The following FMO2 variants were observed in gnomAD, a reference collection of about 807,000 sequenced individuals.
FMO2 encodes the protein flavin-containing monooxygenase 2.
A neutral mutation model predicts 41.6 loss-of-function variants in FMO2; 33 were observed. The ratio of observed to expected loss-of-function variants is 0.79; its 90% CI spans 0.60 to 1.06. The LOEUF (loss-of-function observed/expected upper bound fraction) is 1.06. Ranked by LOEUF, FMO2 falls within the 50% of genes least tolerant of loss-of-function variation. The probability of loss-of-function intolerance (pLI) is 0.00; values close to 1 mark genes in which losing one functional copy is unlikely to be tolerated. For missense variants in FMO2, 619 were observed against 632.9 expected (o/e 0.98, Z 0.23); for synonymous variants, 214 against 219.6 (o/e 0.97, Z 0.23).
At chr1:171,186,008 C>T (rs1657832663) in intron 2 of FMO2, 163 bp downstream of exon 2, 1 of 752,694 alleles carries the variant, frequency 1.3e-6, no homozygotes, top group South Asian at 2.1e-5. Flanking sequence ...AGGCTGGCAT[C>T]TCTCCCCCAG....
intron 4 of FMO2, 148 bp downstream of exon 4, chr1:171,196,959 AAAC>A (rs2101994089): frequency 1.5e-6 from 1 of 656,130 alleles, no homozygotes; most frequent in South Asian, 2.1e-5. Context: ...GAAAGACACC[AAAC>A]ATCATCTTTG....
intron 8 of FMO2, 34 bp from the exon 9 acceptor site, chr1:171,208,760 C>A: frequency 1.2e-6 from 2 of 1,606,568 alleles, no homozygotes; most frequent in Non-Finnish European, 1.7e-6. Context: ...TTAGAACATT[C>A]TGTGAACATT....
At chr1:171,195,274 G>A (rs1047458212) in intron 3 of FMO2, among the ~76,000 whole-genome samples, 3 of 152,214 alleles carry the variant, frequency 2.0e-5, no homozygotes, top group Non-Finnish European at 2.9e-5. Flanking sequence ...GCTTATGATT[G>A]TCAATGTAAT....
chr1:171,189,659 C>CTTTT (rs397827245), intron 2 of FMO2, among the ~76,000 whole-genome samples: 6 of 121,474 alleles, frequency 4.9e-5, no homozygotes, highest in South Asian at 2.8e-4. Context: ...TTTTTCTTTT[C>CTTTT]TTTTTTTTTT....
intron 2 of FMO2, among the ~76,000 whole-genome samples, chr1:171,188,346 A>G (rs1432489485): frequency 1.3e-5 from 2 of 152,236 alleles, no homozygotes; most frequent in Non-Finnish European, 2.9e-5. Flanking sequence ...TATTCACTAG[A>G]AAAACTGGAT....
chr1:171,196,276 G>T (rs1284370382), intron 3 of FMO2, among the ~76,000 whole-genome samples: 2 of 152,212 alleles, frequency 1.3e-5, no homozygotes, highest in African/African-American at 2.4e-5. Flanking sequence ...GCCAGTCTGA[G>T]ATTGGACAGT....
chr1:171,201,727 G>T (rs1658545044), intron 5 of FMO2, among the ~76,000 whole-genome samples: 1 of 152,126 alleles, frequency 6.6e-6, no homozygotes, highest in South Asian at 2.1e-4. Flanking sequence ...AAGAAAAGAG[G>T]TTTAATTGAC....
In FMO2 at chr1:171,207,569, G is replaced by A. The variant is rs1174226759; in HGVS notation, c.1184-149G>A. 1.3e-5 allele frequency: 8 copies of A among 639,042 alleles called. No homozygotes were observed. In the African/African-American group the frequency reaches 1.5e-4, roughly 12 times the overall value. The allele number at this position is 639,042 out of a possible 1,614,324, so 39.6% of individuals were successfully genotyped here. A position where few individuals can be genotyped will look rare whatever the true frequency, so the allele number is the denominator to read the frequency against. ...GACAGTGTCACATAGAGTGCTATGG[G>A]GGTGGCACCCCCTGAAGTTCAACAG... On this transcript the variant is annotated intron_variant, in intron 7 of 8. Transcript: ENST00000209929.
chr1:171,188,111 G>T (rs535789079), intron 2 of FMO2, among the ~76,000 whole-genome samples: 5 of 138,552 alleles, frequency 3.6e-5, no homozygotes, highest in African/African-American at 1.3e-4. Context: ...GTTGGTCCTT[G>T]GTATATGCAG....
chr1:171,198,410 A>ATT (rs34908571), intron 4 of FMO2, among the ~76,000 whole-genome samples: 81 of 145,214 alleles, frequency 5.6e-4, no homozygotes, highest in African/African-American at 1.8e-3. Context: ...CTGATAAGTG[A>ATT]TTTTTTTTTT....
rs751862127 is a variant in FMO2, at chr1:171,207,704, C to T, written c.1184-14C>T. 3.8e-6 allele frequency: 6 copies of T among 1,573,698 alleles called. No individual in the cohort carries two copies. The South Asian group carries it at 6.8e-5, about 18-fold the overall frequency. ...ACTCAAACTTACTATTCAAACCAAC[C>T]TTTTATTCCTTAGGCTTGTGTAGCC... is the stretch of plus-strand genomic sequence containing the variant. On this transcript the variant is annotated splice_polypyrimidine_tract_variant and intron_variant, in intron 7 of 8. Transcript: ENST00000209929.
intron 2 of FMO2, among the ~76,000 whole-genome samples, chr1:171,187,298 G>T (rs537503386): frequency 6.6e-6 from 1 of 152,080 alleles, no homozygotes; most frequent in Non-Finnish European, 1.5e-5. Context: ...GGGAACAAAA[G>T]GTTTGAATAC....
At chr1:171,185,606 A>G in intron 1 of FMO2, 102 bp from the exon 2 acceptor site, 1 of 1,114,480 alleles carries the variant, frequency 9.0e-7, no homozygotes, top group Non-Finnish European at 1.3e-6. Context: ...TTATTAAATT[A>G]CCACTGCTAC....
At position 171,210,031 on chromosome 1, in the gene FMO2, A is replaced by G. The variant is rs1205710909; in HGVS notation, c.*886A>G. The G allele has an allele frequency of 1.3e-5, 2 of 152,214 alleles. No homozygotes were observed. Among genetic ancestry groups the G allele is most frequent in the Non-Finnish European group, 1.5e-5 (1 of 68,030 alleles). 9.4% of individuals were successfully genotyped at this position (152,214 alleles called of 1,614,324 possible). On this transcript the variant is annotated 3_prime_UTR_variant, in exon 9 of 9. Transcript: ENST00000209929. The stretch of plus-strand genomic sequence containing the variant: ...AGATCATAATGTTGTCTTGTAATAT[A>G]TTTATTTACAAAACACTTCATTATT...
At chr1:171,193,072 C>CA (rs1158746642) in intron 2 of FMO2, among the ~76,000 whole-genome samples, 1 of 152,082 alleles carries the variant, frequency 6.6e-6, no homozygotes, top group Non-Finnish European at 1.5e-5. Context: ...TGCAATGTGC[C>CA]AAAATAATTG....
At position 171,210,063 on chromosome 1, in the gene FMO2, G is replaced by T. The variant is rs1217767716; in HGVS notation, c.*918G>T. 2 of 152,092 alleles carry T rather than the reference G, an allele frequency of 1.3e-5. No individual in the cohort carries two copies. Among genetic ancestry groups the T allele is most frequent in the African/African-American group, 2.4e-5 (1 of 41,428 alleles). The allele number at this position is 152,092 out of a possible 1,614,324, so 9.4% of individuals were successfully genotyped here. ...TACAAAACACTTCATTATTTATAAA[G>T]AATTTACTAACAGTTTATCTTATTT... On this transcript the variant is annotated 3_prime_UTR_variant, in exon 9 of 9. Coordinates refer to ENST00000209929, the MANE Select transcript of FMO2 (RefSeq NM_001460.5).
At chr1:171,200,594 G>A (rs185856557) in intron 5 of FMO2, among the ~76,000 whole-genome samples, 42 of 152,166 alleles carry the variant, frequency 2.8e-4, no homozygotes, top group Middle Eastern at 3.4e-3. Flanking sequence ...CATGACACCC[G>A]CCCAGCAGGT....
intron 2 of FMO2, among the ~76,000 whole-genome samples, chr1:171,188,241 A>T (rs909375911): frequency 2.6e-5 from 4 of 152,062 alleles, no homozygotes; most frequent in African/African-American, 9.7e-5. Context: ...CAACAATATG[A>T]TTTGATGAAT....
rs147029269 is a variant in FMO2, at chr1:171,203,983, G to A, written c.746G>A (p.Arg249Gln). The change falls in exon 6 of 9, where the codon CGA (arginine) becomes CAA (glutamine). Residue 249 changes from arginine (R) to glutamine (Q), a missense_variant. Arg to Gln is a conservative substitution (Grantham distance 43). Transcript: ENST00000209929. Reference sequence around the variant, plus strand: ...TCTATGCTCCGCAATGTACTGCCACGAACAGCTGTAAAATGGATGATAGAA... The same window carrying A: ...TCTATGCTCCGCAATGTACTGCCACAAACAGCTGTAAAATGGATGATAGAA... ...FRSMLRNVLPRTAVKWMIEQQ... is the reference protein window; with the variant it reads ...FRSMLRNVLPQTAVKWMIEQQ... 2.0e-5 allele frequency: 32 copies of A among 1,613,576 alleles called. No homozygotes were observed. The highest frequency in any genetic ancestry group is 2.7e-5 in the Non-Finnish European group (32 of 1,179,750).
Sources: gnomAD v4.1 joint callset for allele counts (sites outside exome capture counted in the v4.1 genomes callset) on GRCh38, gnomAD v4.1.1 for gene constraint, MANE v1.5 for transcripts, NCBI Gene and HGNC (gene_info 2026-07-23, HGNC 2026-07-21) for gene names.